NKAIN3: variants seen among roughly 807,000 people sequenced by gnomAD.
NKAIN3 encodes sodium/potassium transporting ATPase interacting 3.
A neutral mutation model predicts 30.2 loss-of-function variants in NKAIN3; 25 were observed. That is an observed-to-expected ratio of 0.83 (90% CI 0.60 to 1.16). The LOEUF is 1.16. Ranked by LOEUF, NKAIN3 falls within the 50% of genes most tolerant of loss-of-function variation. NKAIN3 has a pLI of 0.00. For missense variants in NKAIN3, 225 were observed against 254.1 expected (o/e 0.89, Z 0.78); for synonymous variants, 91 against 89.6 (o/e 1.02, Z -0.09).
intron 1 of NKAIN3, among the ~76,000 whole-genome samples, chr8:62,494,903 C>CT (rs1465614963): frequency 6.6e-6 from 1 of 151,968 alleles, no homozygotes; most frequent in East Asian, 1.9e-4. Flanking sequence ...TCTCTCTTTT[C>CT]TTTTTATTAG....
At chr8:62,753,964 A>G (rs1363238120) in intron 4 of NKAIN3, among the ~76,000 whole-genome samples, 2 of 152,196 alleles carry the variant, frequency 1.3e-5, no homozygotes, top group South Asian at 2.1e-4. Flanking sequence ...AACATGAAAC[A>G]GTTTTTTATG....
At chr8:62,252,507 C>T (rs1398959273) in intron 1 of NKAIN3, among the ~76,000 whole-genome samples, 1 of 152,156 alleles carries the variant, frequency 6.6e-6, no homozygotes, top group African/African-American at 2.4e-5. Flanking sequence ...TCATTTTCTA[C>T]TTTTTTCACT....
intron 5 of NKAIN3, among the ~76,000 whole-genome samples, chr8:62,923,009 T>C (rs1021092262): frequency 1.3e-5 from 2 of 152,124 alleles, no homozygotes; most frequent in Non-Finnish European, 1.5e-5. Context: ...TAAAGAAATA[T>C]TTGTTGGCTG....
intron 1 of NKAIN3, among the ~76,000 whole-genome samples, chr8:62,455,501 T>C (rs889637623): frequency 6.6e-6 from 1 of 152,144 alleles, no homozygotes; most frequent in Non-Finnish European, 1.5e-5. Flanking sequence ...CAATGATAGA[T>C]ACTGGGGACT....
intron 1 of NKAIN3, among the ~76,000 whole-genome samples, chr8:62,469,920 G>A (rs1237943058): frequency 1.3e-5 from 2 of 152,158 alleles, no homozygotes; most frequent in African/African-American, 4.8e-5. Flanking sequence ...TCTCTTCCAG[G>A]TTAAACTACA....
chr8:62,352,646 C>T (rs1210580774), intron 1 of NKAIN3, among the ~76,000 whole-genome samples: 2 of 152,174 alleles, frequency 1.3e-5, no homozygotes, highest in Non-Finnish European at 2.9e-5. Flanking sequence ...CTTGGAGAGT[C>T]AGATAGAAAA....
At chr8:62,566,420 T>A (rs1280278665) in intron 1 of NKAIN3, among the ~76,000 whole-genome samples, 1 of 152,030 alleles carries the variant, frequency 6.6e-6, no homozygotes, top group East Asian at 1.9e-4. Flanking sequence ...GTACTCCTAG[T>A]GCTTACCTCA....
intron 1 of NKAIN3, among the ~76,000 whole-genome samples, chr8:62,433,420 GT>G (rs1479990146): frequency 6.6e-6 from 1 of 152,046 alleles, no homozygotes; most frequent in Non-Finnish European, 1.5e-5. Flanking sequence ...TCAAGTATCA[GT>G]TTCTTAAATT....
intron 1 of NKAIN3, among the ~76,000 whole-genome samples, chr8:62,465,991 T>C (rs758700985): frequency 6.6e-6 from 1 of 151,702 alleles, no homozygotes; most frequent in Non-Finnish European, 1.5e-5. Flanking sequence ...ACCACTGCAC[T>C]CCAGCCTGGG....
chr8:62,306,693 G>A (rs1814256317), intron 1 of NKAIN3, among the ~76,000 whole-genome samples: 1 of 149,840 alleles, frequency 6.7e-6, no homozygotes. Context: ...TTCAACATCT[G>A]ATGGTTTTAG....
chr8:62,834,792 A>G (rs1420831575), intron 4 of NKAIN3, among the ~76,000 whole-genome samples: 1 of 152,144 alleles, frequency 6.6e-6, no homozygotes, highest in Admixed American at 6.6e-5. Flanking sequence ...TATTCCTATC[A>G]AATTACCAAT....
intron 1 of NKAIN3, among the ~76,000 whole-genome samples, chr8:62,295,968 CA>C (rs1319342647): frequency 6.6e-6 from 1 of 152,112 alleles, no homozygotes; most frequent in African/African-American, 2.4e-5. Flanking sequence ...TAGCCAAGAC[CA>C]ACTTGCACAT....
At chr8:62,778,370 C>T (rs943322604) in intron 4 of NKAIN3, among the ~76,000 whole-genome samples, 2 of 152,114 alleles carry the variant, frequency 1.3e-5, no homozygotes, top group Non-Finnish European at 2.9e-5. Flanking sequence ...AAGGAATCTA[C>T]CAGATACTGT....
chr8:62,445,922 C>T (rs891191296), intron 1 of NKAIN3, among the ~76,000 whole-genome samples: 3 of 152,010 alleles, frequency 2.0e-5, no homozygotes, highest in East Asian at 1.9e-4. Context: ...TTGTTAAGCA[C>T]GAAACTCATA....
intron 1 of NKAIN3, among the ~76,000 whole-genome samples, chr8:62,558,868 T>C (rs185929567): frequency 6.6e-5 from 10 of 152,250 alleles, no homozygotes; most frequent in Admixed American, 5.2e-4. Flanking sequence ...CCCACAAACA[T>C]TGGCATGTTG....
chr8:62,570,673 A>G (rs1422994656), intron 1 of NKAIN3, among the ~76,000 whole-genome samples: 2 of 152,154 alleles, frequency 1.3e-5, no homozygotes, highest in African/African-American at 4.8e-5. Context: ...ATATATGGGA[A>G]TTATGGGAGC....
At chr8:62,286,173 C>T (rs1813373678) in intron 1 of NKAIN3, among the ~76,000 whole-genome samples, 1 of 152,094 alleles carries the variant, frequency 6.6e-6, no homozygotes, top group Non-Finnish European at 1.5e-5. Context: ...ATCATTGGGC[C>T]ATTCATTTGA....
At chr8:62,290,948 C>T (rs553346155) in intron 1 of NKAIN3, among the ~76,000 whole-genome samples, 100 of 152,276 alleles carry the variant, frequency 6.6e-4, no homozygotes, top group Admixed American at 2.6e-3. Flanking sequence ...GATTCCACTT[C>T]TTCCTGGTTT....
chr8:62,689,113 A>G (rs1330572352), intron 3 of NKAIN3, among the ~76,000 whole-genome samples: 1 of 152,176 alleles, frequency 6.6e-6, no homozygotes, highest in Non-Finnish European at 1.5e-5. Context: ...TTTAAGAGAA[A>G]CTACAATTTA....
Sources: allele counts gnomAD v4.1 joint callset (sites outside exome capture counted in the v4.1 genomes callset), GRCh38; gene constraint gnomAD v4.1.1; transcripts MANE v1.5; gene names NCBI Gene and HGNC (gene_info 2026-07-23, HGNC 2026-07-21).